The following ARHGEF10 variants were observed in gnomAD, a reference collection of about 807,000 sequenced individuals.
The protein encoded by ARHGEF10 is Rho guanine nucleotide exchange factor (GEF) 10.
ARHGEF10 carries 140 observed loss-of-function variants against 147.4 expected under a neutral mutation model. That is an observed-to-expected ratio of 0.95 (90% CI 0.83 to 1.09). The LOEUF is 1.09. Among genes scored for constraint, ARHGEF10 ranks in the 50% least tolerant of loss-of-function variants. ARHGEF10 has a pLI of 0.00. For missense variants in ARHGEF10, 2,222 were observed against 1,752.7 expected (o/e 1.27, Z -4.78); for synonymous variants, 902 against 695.8 (o/e 1.30, Z -4.67).
chr8:1,951,533 C>T (rs1815048790), intron 27 of ARHGEF10, among the ~76,000 whole-genome samples: 1 of 152,162 alleles, frequency 6.6e-6, no homozygotes, highest in Non-Finnish European at 1.5e-5. Context: ...GCTGTTTGAC[C>T]TCTGTCGATA....
intron 25 of ARHGEF10, among the ~76,000 whole-genome samples, chr8:1,930,429 A>G (rs1813032224): frequency 6.6e-6 from 1 of 151,962 alleles, no homozygotes; most frequent in Non-Finnish European, 1.5e-5. Flanking sequence ...TTCCGCTTCT[A>G]CTGATTCATT....
intron 2 of ARHGEF10, among the ~76,000 whole-genome samples, chr8:1,843,652 G>A (rs990593631): frequency 6.6e-6 from 1 of 152,238 alleles, no homozygotes; most frequent in African/African-American, 2.4e-5. Context: ...GTTCCTCACA[G>A]GTGCTGCTGT....
Position 1,873,076 on chromosome 8 carries a change from G to A in ARHGEF10, c.680-3495G>A, listed in dbSNP as rs146379463. ...AGTCCAGCCGTCGGCCCCCTGCCGT[G>A]TGGCGAGGCCCAGTGTGTCCCCTTT... On this transcript the variant is annotated intron_variant, in intron 7 of 28. Transcript: ENST00000349830. Among the ~76,000 whole-genome samples, 1,140 of 152,340 alleles carry A rather than the reference G, an allele frequency of 7.5e-3. 14 individuals are homozygous for A. Among genetic ancestry groups the A allele is most frequent in the African/African-American group, 0.025 (1,060 of 41,578 alleles).
intron 2 of ARHGEF10, among the ~76,000 whole-genome samples, chr8:1,854,636 A>C (rs1254931054): frequency 6.6e-6 from 1 of 152,172 alleles, no homozygotes; most frequent in East Asian, 1.9e-4. Context: ...TAAACTAACA[A>C]GATTTAAACT....
chr8:1,878,989 C>T (rs1807948443), intron 8 of ARHGEF10, among the ~76,000 whole-genome samples: 1 of 152,176 alleles, frequency 6.6e-6, no homozygotes, highest in Non-Finnish European at 1.5e-5. Context: ...AGACAGGGCG[C>T]CCGTGTGTTA....
In ARHGEF10 at chr8:1,958,115, G is replaced by A. The variant is rs1421366785; in HGVS notation, c.*852G>A. On this transcript the variant is annotated 3_prime_UTR_variant, in exon 29 of 29. Coordinates refer to ENST00000349830, the MANE Select transcript of ARHGEF10 (RefSeq NM_014629.4). The stretch of plus-strand genomic sequence containing the variant: ...GAGATAGGCAGAGAAGTCTTGCTTA[G>A]TTCCTTCGTGCAGCTTCTTGCCCCT... The A allele has an allele frequency of 6.6e-6, 1 of 152,256 alleles. No individual in the cohort carries two copies. Among genetic ancestry groups the A allele is most frequent in the Admixed American group, 6.5e-5 (1 of 15,286 alleles). 9.4% of individuals were successfully genotyped at this position (152,256 alleles called of 1,614,324 possible). A position where few individuals can be genotyped will look rare whatever the true frequency, so the allele number is the denominator to read the frequency against.
rs117240670 is a variant in ARHGEF10, at chr8:1,934,801, A to G, written c.3222+859A>G. 6.7e-3 allele frequency among the ~76,000 whole-genome samples: 1,028 copies of G among 152,376 alleles called. 5 individuals carry two copies. Among genetic ancestry groups the G allele is most frequent in the Non-Finnish European group, 0.012 (802 of 68,026 alleles). ...TGGAGAAAGCCTCTCCAAGCATGCC[A>G]CAAACCCAGAAGTTACCATAATAAA... On this transcript the variant is annotated intron_variant, in intron 26 of 28. Coordinates refer to ENST00000349830, the MANE Select transcript of ARHGEF10 (RefSeq NM_014629.4).
intron 28 of ARHGEF10, among the ~76,000 whole-genome samples, chr8:1,953,514 C>T (rs1815229472): frequency 6.6e-6 from 1 of 152,354 alleles, no homozygotes; most frequent in South Asian, 2.1e-4. Flanking sequence ...GGATTGGAGG[C>T]CTTAAAACAT....
chr8:1,913,891 G>A (rs367600395), intron 18 of ARHGEF10, among the ~76,000 whole-genome samples: 1 of 152,204 alleles, frequency 6.6e-6, no homozygotes, highest in African/African-American at 2.4e-5. Context: ...CAGCAAGCTT[G>A]TACCGTGAGG....
At chr8:1,893,123 C>T (rs1329933109) in intron 11 of ARHGEF10, among the ~76,000 whole-genome samples, 1 of 147,326 alleles carries the variant, frequency 6.8e-6, no homozygotes, top group Non-Finnish European at 1.5e-5. Flanking sequence ...GATTCCTCCA[C>T]ATTCCACAAA....
chr8:1,833,825 T>C (rs560334319), intron 1 of ARHGEF10, among the ~76,000 whole-genome samples: 30 of 152,336 alleles, frequency 2.0e-4, no homozygotes, highest in Admixed American at 3.3e-4. Context: ...GCTGCTTCCC[T>C]GGGAGGGAGT....
intron 18 of ARHGEF10, among the ~76,000 whole-genome samples, chr8:1,918,504 G>A (rs916677282): frequency 2.3e-5 from 3 of 131,474 alleles, no homozygotes; most frequent in Non-Finnish European, 4.9e-5. Flanking sequence ...GTGTGTGTGT[G>A]TTATTTTAAA....
At chr8:1,886,819 G>A (rs150695989) in intron 11 of ARHGEF10, among the ~76,000 whole-genome samples, 1 of 152,180 alleles carries the variant, frequency 6.6e-6, no homozygotes, top group Admixed American at 6.5e-5. Flanking sequence ...CCAGCTATGC[G>A]AGGAAGGGGT....
chr8:1,896,519 C>G (rs1207967877), intron 14 of ARHGEF10, 70 bp downstream of exon 14: 6 of 1,064,030 alleles, frequency 5.6e-6, no homozygotes, highest in African/African-American at 1.6e-5. Context: ...AAGCTTGACT[C>G]TGAATGCAGT....
At chr8:1,915,972 G>T (rs78908059) in intron 18 of ARHGEF10, among the ~76,000 whole-genome samples, 2 of 152,218 alleles carry the variant, frequency 1.3e-5, no homozygotes, top group African/African-American at 4.8e-5. Flanking sequence ...TCACGGCCCT[G>T]TCCAGGACCT....
At chr8:1,896,538 A>T in intron 14 of ARHGEF10, 89 bp downstream of exon 14, 2 of 958,038 alleles carry the variant, frequency 2.1e-6, no homozygotes, top group Non-Finnish European at 3.4e-6. Context: ...GTTATTCGTT[A>T]TTAAGATTTC....
At chr8:1,833,029 GGC>G (rs1438682462) in intron 1 of ARHGEF10, among the ~76,000 whole-genome samples, 1 of 436 alleles carries the variant, frequency 2.3e-3, no homozygotes. Flanking sequence ...GGCAGAGACA[GGC>G]AGAGAGAGAC....
At chr8:1,830,800 G>C (rs1025518699) in intron 1 of ARHGEF10, among the ~76,000 whole-genome samples, 13 of 152,214 alleles carry the variant, frequency 8.5e-5, no homozygotes, top group Admixed American at 5.9e-4. Context: ...GGGCTACAAG[G>C]TGCGGAGAGG....
At position 1,850,198 on chromosome 8, in the gene ARHGEF10, CCACA is replaced by C. The variant is rs1804991058; in HGVS notation, c.37+6763_37+6766del. Among the ~76,000 whole-genome samples the C allele has an allele frequency of 3.6e-4, 48 of 134,078 alleles. 3 individuals carry two copies. Among genetic ancestry groups the C allele is most frequent in the East Asian group, 1.4e-3 (6 of 4,288 alleles). The allele number at this position is 134,078 out of a possible 152,430, so 88.0% of individuals were successfully genotyped here. A position where few individuals can be genotyped will look rare whatever the true frequency, so the allele number is the denominator to read the frequency against. Reference sequence around the variant, plus strand: ...AAATGCTGAGGAGGGCGTGGGGCGGCCACATGGGCATGGATGGCAAATGCTAAGG... The same window carrying C: ...AAATGCTGAGGAGGGCGTGGGGCGGCTGGGCATGGATGGCAAATGCTAAGG... On this transcript the variant is annotated intron_variant, in intron 2 of 28. Coordinates refer to ENST00000349830, the MANE Select transcript of ARHGEF10 (RefSeq NM_014629.4).
Sources: allele counts gnomAD v4.1 joint callset (sites outside exome capture counted in the v4.1 genomes callset), GRCh38; gene constraint gnomAD v4.1.1; transcripts MANE v1.5; gene names NCBI Gene and HGNC (gene_info 2026-07-23, HGNC 2026-07-21).